The following CGNL1 variants were observed in gnomAD, a reference collection of about 807,000 sequenced individuals.
CGNL1 encodes cingulin-like protein 1.
In CGNL1, 132 loss-of-function variants were observed where a neutral mutation model predicts 141.2. That is an observed-to-expected ratio of 0.93 (90% CI 0.81 to 1.08). The LOEUF (loss-of-function observed/expected upper bound fraction) is 1.08. Ranked by LOEUF, CGNL1 falls within the 50% of genes least tolerant of loss-of-function variation. CGNL1 has a pLI of 0.00. For synonymous variants in CGNL1, 690 were observed against 622.1 expected, an observed-to-expected ratio of 1.11 and a Z score of -1.63; for missense variants, 1,870 against 1,588.6, an observed-to-expected ratio of 1.18 and a Z score of -3.01.
chr15:57,468,234 C>CTTTTTTTTTTTTTTTTTTTTTTTT (rs57360097), intron 8 of CGNL1, among the ~76,000 whole-genome samples: 1 of 85,916 alleles, frequency 1.2e-5, no homozygotes, highest in East Asian at 3.8e-4. Flanking sequence ...TTTTCTTTTT[C>CTTTTTTTTTTTTTTTTTTTTTTTT]TTTTTTTTTT....
At chr15:57,420,581 C>G (rs546168426) in intron 1 of CGNL1, among the ~76,000 whole-genome samples, 12 of 152,160 alleles carry the variant, frequency 7.9e-5, no homozygotes, top group Non-Finnish European at 1.5e-4. Context: ...TTAATGCATT[C>G]CTCTATGGGA....
At chr15:57,510,935 G>C (rs1270039041) in intron 8 of CGNL1, among the ~76,000 whole-genome samples, 1 of 152,146 alleles carries the variant, frequency 6.6e-6, no homozygotes, top group East Asian at 1.9e-4. Context: ...TATCTTTCAC[G>C]GCCCAGAGGT....
At chr15:57,466,694 G>T (rs986315261) in intron 8 of CGNL1, among the ~76,000 whole-genome samples, 6 of 152,166 alleles carry the variant, frequency 3.9e-5, no homozygotes, top group Non-Finnish European at 7.3e-5. Context: ...CAAAAAGGGA[G>T]ATGTCTTTAG....
chr15:57,376,919 G>A (rs1475891020), intron 1 of CGNL1: 2 of 152,390 alleles, frequency 1.3e-5, no homozygotes, highest in East Asian at 3.9e-4. Context: ...TCCGGCTCTA[G>A]TGACAGCTGG....
chr15:57,466,064 C>T (rs778147090), intron 8 of CGNL1, among the ~76,000 whole-genome samples: 2 of 152,226 alleles, frequency 1.3e-5, no homozygotes, highest in East Asian at 1.9e-4. Flanking sequence ...ACTGGCAGAG[C>T]GGTGGAGGTT....
intron 1 of CGNL1, among the ~76,000 whole-genome samples, chr15:57,385,964 T>C (rs2062478343): frequency 6.6e-6 from 1 of 152,196 alleles, no homozygotes; most frequent in South Asian, 2.1e-4. Context: ...TAGCTCTTTT[T>C]AACATCTCTG....
At chr15:57,464,257 G>C (rs1370681338) in intron 8 of CGNL1, among the ~76,000 whole-genome samples, 5 of 152,140 alleles carry the variant, frequency 3.3e-5, no homozygotes, top group Non-Finnish European at 7.3e-5. Context: ...CTCCAGCTTA[G>C]AGTTGCCAGT....
intron 1 of CGNL1, among the ~76,000 whole-genome samples, chr15:57,407,835 G>T (rs1012366067): frequency 1.4e-5 from 2 of 147,542 alleles, no homozygotes; most frequent in African/African-American, 5.0e-5. Context: ...TGCAACCTCC[G>T]TCTCCTGGGT....
At chr15:57,503,364 C>T (rs2064054121) in intron 8 of CGNL1, among the ~76,000 whole-genome samples, 1 of 152,206 alleles carries the variant, frequency 6.6e-6, no homozygotes, top group Non-Finnish European at 1.5e-5. Flanking sequence ...TCCCCAAGGT[C>T]AGAGTACCCT....
Position 57,439,500 on chromosome 15 carries a change from A to C in CGNL1, c.1501A>C (p.Thr501Pro). Reference sequence around the variant, plus strand: ...AAAGGAGGAGGAGGTGAAAACAGCCACCGCTACGCTGATGTTACAGAACCG... The same window carrying C: ...AAAGGAGGAGGAGGTGAAAACAGCCCCCGCTACGCTGATGTTACAGAACCG... ...SKKEEEVKTA[T>P]ATLMLQNRAT... Residue 501 changes from threonine (T) to proline (P), a missense_variant, in exon 2 of 19, where the codon ACC becomes CCC. Coordinates refer to ENST00000281282, the MANE Select transcript of CGNL1 (RefSeq NM_032866.5). 6.2e-7 allele frequency: 1 copy of C among 1,614,210 alleles called. No homozygotes were observed. The highest frequency in any genetic ancestry group is 8.5e-7 in the Non-Finnish European group (1 of 1,180,038).
Position 57,453,705 on chromosome 15 carries a change from C to A in CGNL1, c.2077C>A (p.Arg693=), listed in dbSNP as rs34169027. 0.013 allele frequency: 20,238 copies of A among 1,613,750 alleles called. 168 individuals carry two copies. Among genetic ancestry groups the A allele is most frequent in the Non-Finnish European group, 0.015 (17,498 of 1,179,832 alleles). Residue 693 remains arginine, a synonymous_variant, in exon 7 of 19, where the codon CGG becomes AGG. Coordinates refer to ENST00000281282, the MANE Select transcript of CGNL1 (RefSeq NM_032866.5). The part of the protein sequence containing the change: ...LEELFQVKME[R]EQHQTEIRDL... ...CAGGCTATTCCAGGTGAAGATGGAACGGGAGCAGCATCAGACTGAGATCAG... is the reference window on the plus strand; with the variant it reads ...CAGGCTATTCCAGGTGAAGATGGAAAGGGAGCAGCATCAGACTGAGATCAG...
At chr15:57,431,144 G>A (rs1469041528) in intron 1 of CGNL1, among the ~76,000 whole-genome samples, 1 of 152,190 alleles carries the variant, frequency 6.6e-6, no homozygotes, top group African/African-American at 2.4e-5. Context: ...TTAGGGGGAA[G>A]CTGTAGCACT....
At chr15:57,515,869 A>C (rs952044231) in intron 8 of CGNL1, among the ~76,000 whole-genome samples, 9 of 152,274 alleles carry the variant, frequency 5.9e-5, no homozygotes, top group Middle Eastern at 6.8e-3. Flanking sequence ...CTTCTATTAA[A>C]GACCCTGGGC....
intron 1 of CGNL1, among the ~76,000 whole-genome samples, chr15:57,378,421 G>A (rs147580083): frequency 4.4e-5 from 5 of 112,562 alleles, no homozygotes; most frequent in African/African-American, 6.7e-5. Context: ...TGCTCTTGTC[G>A]CCCAGGCTGG....
In CGNL1 at chr15:57,546,142, G is replaced by C; in HGVS notation, c.3676G>C (p.Glu1226Gln). The C allele has an allele frequency of 6.2e-7, 1 of 1,613,984 alleles. No individual in the cohort carries two copies. Among genetic ancestry groups the C allele is most frequent in the South Asian group, 1.1e-5 (1 of 91,014 alleles). Reference sequence around the variant, plus strand: ...GGCTGAGGAGGAAATCGACAGACTGGAAAGTTCTAAAAAGAAGCTGCAGAG... The same window carrying C: ...GGCTGAGGAGGAAATCGACAGACTGCAAAGTTCTAAAAAGAAGCTGCAGAG... ...EEAEEEIDRLESSKKKLQREL... is the reference protein window; with the variant it reads ...EEAEEEIDRLQSSKKKLQREL... The change falls in exon 18 of 19, where the codon GAA (glutamate) becomes CAA (glutamine). Residue 1226 changes from glutamate (E) to glutamine (Q), a missense_variant. Coordinates refer to ENST00000281282, the MANE Select transcript of CGNL1 (RefSeq NM_032866.5).
At chr15:57,497,207 G>A (rs180904728) in intron 8 of CGNL1, among the ~76,000 whole-genome samples, 3 of 152,322 alleles carry the variant, frequency 2.0e-5, no homozygotes, top group East Asian at 3.9e-4. Context: ...GGGCACCAGT[G>A]ACAGCGTTGG....
At chr15:57,496,387 G>A (rs1322994379) in intron 8 of CGNL1, among the ~76,000 whole-genome samples, 1 of 152,166 alleles carries the variant, frequency 6.6e-6, no homozygotes, top group East Asian at 1.9e-4. Flanking sequence ...TAGGGACCAG[G>A]AACACAAACC....
intron 8 of CGNL1, among the ~76,000 whole-genome samples, chr15:57,516,158 C>CAAAAA (rs10559176): frequency 2.0e-4 from 15 of 73,264 alleles, no homozygotes; most frequent in African/African-American, 2.7e-4. Context: ...GACTCTGTCT[C>CAAAAA]AAAAAAAAAA....
intron 8 of CGNL1, among the ~76,000 whole-genome samples, chr15:57,476,190 G>C (rs115080991): frequency 6.6e-6 from 1 of 152,078 alleles, no homozygotes; most frequent in Non-Finnish European, 1.5e-5. Flanking sequence ...TTCGGAAAAG[G>C]GTGACTTTGC....
Sources: allele counts gnomAD v4.1 joint callset (sites outside exome capture counted in the v4.1 genomes callset), GRCh38; gene constraint gnomAD v4.1.1; transcripts MANE v1.5; gene names NCBI Gene and HGNC (gene_info 2026-07-23, HGNC 2026-07-21).